Variants in LRRC4C observed in about 807,000 individuals in gnomAD.
LRRC4C encodes leucine rich repeat containing 4C, also known as leucine-rich repeat-containing protein 4C.
A neutral mutation model predicts 33.6 loss-of-function variants in LRRC4C; 5 were observed. The observed-to-expected ratio is 0.15, with a 90% confidence interval of 0.08 to 0.31. The LOEUF is 0.31. Among genes scored for constraint, LRRC4C ranks in the 10% least tolerant of loss-of-function variants. LRRC4C has a pLI of 1.00. For synonymous variants in LRRC4C, 329 were observed against 302.0 expected (o/e 1.09, Z -0.93); for missense variants, 560 against 796.7 (o/e 0.70, Z 3.58).
chr11:41,435,185 T>C lies in LRRC4C; in HGVS notation c.-496+24246A>G, dbSNP rs182975443. ...CTAAGAGTAATACAGAGCTGCAGGATTGAAGATAATGAAATAAATCTAAGA... is the reference window on the plus strand; with the variant it reads ...CTAAGAGTAATACAGAGCTGCAGGACTGAAGATAATGAAATAAATCTAAGA... On this transcript the variant is annotated intron_variant, in intron 1 of 6. Transcript: ENST00000528697. 1.9e-3 allele frequency among the ~76,000 whole-genome samples: 294 copies of C among 152,252 alleles called. 1 individual carries two copies. Among genetic ancestry groups the C allele is most frequent in the African/African-American group, 6.8e-3 (282 of 41,550 alleles).
chr11:40,308,637 C>A (rs1348881810), intron 4 of LRRC4C, among the ~76,000 whole-genome samples: 1 of 152,118 alleles, frequency 6.6e-6, no homozygotes. Flanking sequence ...CTCAAGCCAA[C>A]CACAAACTTT....
chr11:40,816,881 T>C (rs550983349), intron 2 of LRRC4C, among the ~76,000 whole-genome samples: 1 of 152,300 alleles, frequency 6.6e-6, no homozygotes, highest in South Asian at 2.1e-4. Context: ...TCTGAAGGTC[T>C]TTAAAAGGCT....
chr11:40,501,325 C>T (rs569408329), intron 3 of LRRC4C, among the ~76,000 whole-genome samples: 1 of 152,308 alleles, frequency 6.6e-6, no homozygotes, highest in Admixed American at 6.5e-5. Flanking sequence ...TCCCTTCTCA[C>T]AGCTCCACTA....
intron 2 of LRRC4C, among the ~76,000 whole-genome samples, chr11:40,671,572 T>A (rs1944112743): frequency 6.6e-6 from 1 of 152,084 alleles, no homozygotes; most frequent in African/African-American, 2.4e-5. Context: ...TAAGGATCTT[T>A]GCAATTCTCT....
intron 2 of LRRC4C, among the ~76,000 whole-genome samples, chr11:40,788,942 A>T (rs571677182): frequency 9.2e-5 from 14 of 152,122 alleles, no homozygotes; most frequent in African/African-American, 3.4e-4. Context: ...AATACAAAAA[A>T]ATTAGCTGGG....
chr11:40,889,040 G>A (rs1337898069), intron 2 of LRRC4C, among the ~76,000 whole-genome samples: 2 of 151,974 alleles, frequency 1.3e-5, no homozygotes, highest in East Asian at 1.9e-4. Flanking sequence ...ATGAAAAGCT[G>A]TAGAATTTAG....
At chr11:41,446,058 G>A (rs1180793778) in intron 1 of LRRC4C, among the ~76,000 whole-genome samples, 3 of 152,056 alleles carry the variant, frequency 2.0e-5, no homozygotes, top group Admixed American at 6.6e-5. Flanking sequence ...CAATAATAAC[G>A]TTAAAACAAG....
At chr11:40,395,289 A>G (rs994733083) in intron 3 of LRRC4C, among the ~76,000 whole-genome samples, 1 of 152,118 alleles carries the variant, frequency 6.6e-6, no homozygotes, top group African/African-American at 2.4e-5. Context: ...TAAAATTCAC[A>G]GTAGCCCTTG....
intron 1 of LRRC4C, among the ~76,000 whole-genome samples, chr11:41,259,093 C>A (rs1021616092): frequency 1.3e-5 from 2 of 151,958 alleles, no homozygotes; most frequent in African/African-American, 2.4e-5. Flanking sequence ...ATACTGAGCA[C>A]AACTTTAATC....
rs143066114 is a variant in LRRC4C, at chr11:41,050,326, C to T, written c.-495-116603G>A. Among the ~76,000 whole-genome samples, 1,340 of 152,174 alleles carry T rather than the reference C, an allele frequency of 8.8e-3. 19 individuals are homozygous for T. The highest frequency in any genetic ancestry group is 0.03 in the African/African-American group (1,230 of 41,496). On this transcript the variant is annotated intron_variant, in intron 1 of 6. Transcript: ENST00000528697. ...TGAGAGTTGATGAAAAAGTACATAGCTATACATGGGCCATGTTACGTAGCT... is the reference window on the plus strand; with the variant it reads ...TGAGAGTTGATGAAAAAGTACATAGTTATACATGGGCCATGTTACGTAGCT...
chr11:40,876,414 G>T (rs1386627431), intron 2 of LRRC4C, among the ~76,000 whole-genome samples: 1 of 151,934 alleles, frequency 6.6e-6, no homozygotes, highest in African/African-American at 2.4e-5. Flanking sequence ...AAATCCCAGT[G>T]TTCACTTGTC....
chr11:40,705,239 G>A lies in LRRC4C; in HGVS notation c.-406-56961C>T, dbSNP rs540712336. On this transcript the variant is annotated intron_variant, in intron 2 of 6. Coordinates refer to ENST00000528697, the MANE Select transcript of LRRC4C (RefSeq NM_001258419.2). ...TTTATTATTATACTTTAAGTTCTAG[G>A]ATACATGTGCACAACGTGGAGGTTT... 2.2e-4 allele frequency among the ~76,000 whole-genome samples: 34 copies of A among 152,106 alleles called. No homozygotes were observed. In the South Asian group the frequency reaches 7.1e-3, roughly 32 times the overall value.
intron 3 of LRRC4C, among the ~76,000 whole-genome samples, chr11:40,336,517 G>A (rs1412548044): frequency 6.6e-6 from 1 of 152,080 alleles, no homozygotes; most frequent in Non-Finnish European, 1.5e-5. Context: ...TGCCACCAAG[G>A]TTCAGATTCA....
chr11:41,389,040 A>T (rs2137974460), intron 1 of LRRC4C, among the ~76,000 whole-genome samples: 1 of 151,978 alleles, frequency 6.6e-6, no homozygotes, highest in Non-Finnish European at 1.5e-5. Flanking sequence ...ATACGATGGC[A>T]TGGTATTTTA....
chr11:41,123,373 C>CAT (rs1942567867), intron 1 of LRRC4C, among the ~76,000 whole-genome samples: 1 of 142,728 alleles, frequency 7.0e-6, no homozygotes, highest in African/African-American at 2.6e-5. Flanking sequence ...CCCGGGTTCA[C>CAT]GCCATTCTCC....
At chr11:40,430,262 TG>T (rs531661434) in intron 3 of LRRC4C, among the ~76,000 whole-genome samples, 4 of 129,842 alleles carry the variant, frequency 3.1e-5, no homozygotes, top group African/African-American at 8.6e-5. Flanking sequence ...AGTGCACGTA[TG>T]GGGGGGGTTG....
At chr11:40,151,615 G>C (rs973810489) in intron 5 of LRRC4C, among the ~76,000 whole-genome samples, 1 of 152,174 alleles carries the variant, frequency 6.6e-6, no homozygotes, top group African/African-American at 2.4e-5. Flanking sequence ...GGAAGGTAGA[G>C]ACAAAAAATG....
intron 2 of LRRC4C, among the ~76,000 whole-genome samples, chr11:40,792,085 C>T (rs908774678): frequency 2.0e-5 from 3 of 152,012 alleles, no homozygotes; most frequent in African/African-American, 7.2e-5. Flanking sequence ...GCATCAAGAA[C>T]CAGCAAATCA....
At chr11:40,951,070 T>G (rs1958671025) in intron 1 of LRRC4C, among the ~76,000 whole-genome samples, 2 of 151,856 alleles carry the variant, frequency 1.3e-5, no homozygotes, top group Admixed American at 1.3e-4. Flanking sequence ...AGCTGCAACA[T>G]AAACTAATGG....
Sources: allele counts gnomAD v4.1 joint callset (sites outside exome capture counted in the v4.1 genomes callset), GRCh38; gene constraint gnomAD v4.1.1; transcripts MANE v1.5; gene names NCBI Gene and HGNC (gene_info 2026-07-23, HGNC 2026-07-21).